Variants in MKLN1 observed in about 807,000 individuals in gnomAD.
MKLN1 encodes the protein muskelin.
MKLN1 carries 18 observed loss-of-function variants against 99.0 expected under a neutral mutation model. The ratio of observed to expected loss-of-function variants is 0.18; its 90% CI spans 0.13 to 0.27. The LOEUF is 0.27. Among genes scored for constraint, MKLN1 ranks in the 10% least tolerant of loss-of-function variants. MKLN1 has a pLI of 1.00. For missense variants in MKLN1, 621 were observed against 875.9 expected (o/e 0.71, Z 3.67); for synonymous variants, 288 against 293.2 (o/e 0.98, Z 0.18).
At chr7:131,383,544 A>T (rs1435166603) in intron 2 of MKLN1, among the ~76,000 whole-genome samples, 1 of 152,220 alleles carries the variant, frequency 6.6e-6, no homozygotes, top group Non-Finnish European at 1.5e-5. Flanking sequence ...ATGAGAAATC[A>T]TGAACCACTG....
intron 2 of MKLN1, among the ~76,000 whole-genome samples, chr7:131,191,256 G>A (rs933014685): frequency 5.3e-5 from 8 of 152,226 alleles, no homozygotes; most frequent in African/African-American, 1.9e-4. Flanking sequence ...CTTGAGATGT[G>A]GGAATGCAAG....
intron 8 of MKLN1, among the ~76,000 whole-genome samples, chr7:131,422,101 A>C (rs1795212075): frequency 6.6e-6 from 1 of 152,234 alleles, no homozygotes; most frequent in Admixed American, 6.5e-5. Flanking sequence ...AAAGAAGCCC[A>C]GTTATTACTT....
At chr7:131,160,075 C>T (rs935117934) in intron 2 of MKLN1, among the ~76,000 whole-genome samples, 2 of 152,180 alleles carry the variant, frequency 1.3e-5, no homozygotes, top group Non-Finnish European at 2.9e-5. Flanking sequence ...GAGTCACTCT[C>T]AATTCTCTCC....
intron 1 of MKLN1, among the ~76,000 whole-genome samples, chr7:131,365,651 C>A (rs936401834): frequency 6.6e-6 from 1 of 152,062 alleles, no homozygotes; most frequent in African/African-American, 2.4e-5. Flanking sequence ...CAGCCTCGAT[C>A]TTTTGCATAT....
intron 3 of MKLN1, among the ~76,000 whole-genome samples, chr7:131,263,397 T>A (rs1797763747): frequency 5.1e-5 from 7 of 137,202 alleles, no homozygotes; most frequent in Non-Finnish European, 1.6e-5. Flanking sequence ...TGGTGGCATA[T>A]GCCTGTAGTC....
chr7:131,415,500 C>G (rs1251179868), intron 8 of MKLN1, among the ~76,000 whole-genome samples: 1 of 151,990 alleles, frequency 6.6e-6, no homozygotes, highest in Non-Finnish European at 1.5e-5. Flanking sequence ...AATTTATTTT[C>G]ATAATTTTTG....
At chr7:131,168,037 T>G (rs1796150982) in intron 2 of MKLN1, among the ~76,000 whole-genome samples, 1 of 152,272 alleles carries the variant, frequency 6.6e-6, no homozygotes, top group African/African-American at 2.4e-5. Flanking sequence ...TATTGGTGAC[T>G]TATTTTTCCT....
chr7:131,203,998 C>T (rs1357442139), intron 3 of MKLN1, among the ~76,000 whole-genome samples: 1 of 152,174 alleles, frequency 6.6e-6, no homozygotes, highest in East Asian at 1.9e-4. Flanking sequence ...GAATTTAAGT[C>T]ACTTACCTAG....
chr7:131,418,507 A>C (rs891112639), intron 8 of MKLN1, among the ~76,000 whole-genome samples: 9 of 152,228 alleles, frequency 5.9e-5, no homozygotes, highest in Non-Finnish European at 1.2e-4. Flanking sequence ...TTACAAAAAA[A>C]ATCACAAAAA....
chr7:131,234,107 G>C (rs1041407540), intron 3 of MKLN1, among the ~76,000 whole-genome samples: 9 of 152,048 alleles, frequency 5.9e-5, no homozygotes, highest in African/African-American at 2.2e-4. Flanking sequence ...AGCCTCCCGA[G>C]TAGCTGGGAT....
chr7:131,444,806 AGTAGTAGTAGT>A (rs1360073499), intron 11 of MKLN1, among the ~76,000 whole-genome samples: 2 of 148,870 alleles, frequency 1.3e-5, no homozygotes, highest in African/African-American at 4.9e-5. Flanking sequence ...TAGTAGTAGT[AGTAGTAGTAGT>A]AGTAGAAGTG....
chr7:131,229,313 GC>G (rs138341330), intron 3 of MKLN1, among the ~76,000 whole-genome samples: 1 of 151,570 alleles, frequency 6.6e-6, no homozygotes, highest in South Asian at 2.1e-4. Flanking sequence ...TCCTCCTCTA[GC>G]CCCCCACCTG....
intron 1 of MKLN1, among the ~76,000 whole-genome samples, chr7:131,360,460 T>C (rs966857408): frequency 6.6e-6 from 1 of 152,226 alleles, no homozygotes; most frequent in African/African-American, 2.4e-5. Context: ...CACTTCTTTT[T>C]AACTTGTTTT....
intron 1 of MKLN1, among the ~76,000 whole-genome samples, chr7:131,367,537 G>A (rs914289404): frequency 2.6e-5 from 4 of 152,054 alleles, no homozygotes; most frequent in Non-Finnish European, 4.4e-5. Flanking sequence ...AGTGACTCCT[G>A]GCAAGTGGAA....
chr7:131,344,647 T>C (rs1799501578), intron 1 of MKLN1, among the ~76,000 whole-genome samples: 1 of 152,218 alleles, frequency 6.6e-6, no homozygotes, highest in African/African-American at 2.4e-5. Flanking sequence ...GCCTAAGAAC[T>C]TGCCTGTGGC....
chr7:131,405,159 T>C (rs1794663642), intron 6 of MKLN1, among the ~76,000 whole-genome samples: 1 of 152,210 alleles, frequency 6.6e-6, no homozygotes, highest in African/African-American at 2.4e-5. Flanking sequence ...ATACCTAATA[T>C]CTTACTGTTT....
At chr7:131,158,858 G>A (rs1216846436) in intron 2 of MKLN1, among the ~76,000 whole-genome samples, 1 of 152,152 alleles carries the variant, frequency 6.6e-6, no homozygotes, top group Non-Finnish European at 1.5e-5. Context: ...CATTGTCTGT[G>A]CTAGCCACTG....
intron 9 of MKLN1, among the ~76,000 whole-genome samples, chr7:131,433,953 G>A (rs1042334438): frequency 8.6e-5 from 13 of 150,706 alleles, no homozygotes; most frequent in Non-Finnish European, 1.3e-4. Flanking sequence ...ATGCGATCTC[G>A]GCTCACTGCA....
chr7:131,363,448 C>A (rs1800087532), intron 1 of MKLN1, among the ~76,000 whole-genome samples: 1 of 151,924 alleles, frequency 6.6e-6, no homozygotes, highest in Admixed American at 6.6e-5. Flanking sequence ...CAGAATGGGT[C>A]TCTGTTTTCA....
Sources: allele counts gnomAD v4.1 joint callset (sites outside exome capture counted in the v4.1 genomes callset), GRCh38; gene constraint gnomAD v4.1.1; transcripts MANE v1.5; gene names NCBI Gene and HGNC (gene_info 2026-07-23, HGNC 2026-07-21).